The following SLC8A2 variants were observed in gnomAD, a reference collection of about 807,000 sequenced individuals.
SLC8A2 encodes the protein solute carrier family 8 member A2.
Under a neutral mutation model 70.2 loss-of-function variants are expected in SLC8A2, and 14 were observed. The observed-to-expected ratio is 0.20, with a 90% CI of 0.13 to 0.31. The LOEUF (loss-of-function observed/expected upper bound fraction) is 0.31, where lower values mean the gene tolerates loss of function less well. Ranked by LOEUF, SLC8A2 falls within the 10% of genes least tolerant of loss-of-function variation. The pLI, the probability that SLC8A2 is intolerant of heterozygous loss-of-function variation, is 1.00. For missense variants in SLC8A2, 779 were observed against 1,320.1 expected, an observed-to-expected ratio of 0.59 and a Z score of 6.35; for synonymous variants, 575 against 594.3, an observed-to-expected ratio of 0.97 and a Z score of 0.47.
intron 3 of SLC8A2, among the ~76,000 whole-genome samples, chr19:47,449,235 C>T (rs1967206712): frequency 1.3e-5 from 2 of 151,984 alleles, no homozygotes; most frequent in Non-Finnish European, 2.9e-5. Flanking sequence ...TCAAGAAAGC[C>T]TTTTGGAGGA....
In SLC8A2 at chr19:47,432,583, C is replaced by T; in HGVS notation, c.2111-138G>A. The T allele has an allele frequency of 1.3e-6, 1 of 790,324 alleles. No homozygotes were observed. The highest frequency in any genetic ancestry group is 2.7e-5 in the East Asian group (1 of 36,670). 49.0% of individuals were successfully genotyped at this position (790,324 alleles called of 1,614,324 possible). A position where few individuals can be genotyped will look rare whatever the true frequency, so the allele number is the denominator to read the frequency against. On this transcript the variant is annotated intron_variant, in intron 8 of 9. Coordinates refer to ENST00000236877, the MANE Select transcript of SLC8A2 (RefSeq NM_015063.3). The surrounding 1 kb of genome is among the most constrained non-coding windows in gnomAD (Gnocchi z 6.2). ...CAGAATCCCTTGCACCTACCTGTGG[C>T]CAAGTCAACTGCTAAAAACAGTTAC...
At chr19:47,443,456 C>G (rs776552940) in intron 4 of SLC8A2, among the ~76,000 whole-genome samples, 1 of 152,172 alleles carries the variant, frequency 6.6e-6, no homozygotes, top group Non-Finnish European at 1.5e-5. Flanking sequence ...CCCCAGAACC[C>G]AAAAACACAA....
Position 47,459,605 on chromosome 19 carries a change from TTG to T in SLC8A2, c.676-2013_676-2012del, listed in dbSNP as rs529734876. Among the ~76,000 whole-genome samples the T allele has an allele frequency of 1.6e-4, 25 of 151,712 alleles. No homozygotes were observed. In the East Asian group the frequency reaches 2.1e-3, roughly 13 times the overall value. On this transcript the variant is annotated intron_variant, in intron 2 of 9. Coordinates refer to ENST00000236877, the MANE Select transcript of SLC8A2 (RefSeq NM_015063.3). ...GTGTGTGTGTCCTGTGTGTGCGTGC[TTG>T]TGTGTGCATGTGTGTATGTGTATGT...
At position 47,432,430 on chromosome 19, in the gene SLC8A2, T is replaced by TC; in HGVS notation, c.2125dup (p.Glu709GlyfsTer15). The TC allele has an allele frequency of 6.3e-7, 1 of 1,598,138 alleles. No homozygotes were observed. Among genetic ancestry groups the TC allele is most frequent in the Non-Finnish European group, 8.5e-7 (1 of 1,171,758 alleles). On this transcript the variant is annotated frameshift_variant, in exon 9 of 10. Coordinates refer to ENST00000236877, the MANE Select transcript of SLC8A2 (RefSeq NM_015063.3). LOFTEE classifies it high-confidence loss of function. This position sits in a 1 kb window ranked among gnomAD's most constrained non-coding sequence, Gnocchi z 6.2. ...CCGCTCCTCCCGGGACCCGTCCTCC[T>TC]CCTCCTCCTCGTCCCCTGTGGGCAC... is the stretch of plus-strand genomic sequence containing the variant.
intron 2 of SLC8A2, among the ~76,000 whole-genome samples, chr19:47,464,487 G>A (rs1416788654): frequency 6.6e-6 from 1 of 152,110 alleles, no homozygotes; most frequent in Non-Finnish European, 1.5e-5. Flanking sequence ...ATATATCACT[G>A]CACACTTTTC....
chr19:47,469,119 C>CGTGTGTGT lies in SLC8A2; in HGVS notation c.-17+2662_-17+2669dup, dbSNP rs10670696. On this transcript the variant is annotated intron_variant, in intron 1 of 9. Transcript: ENST00000236877. ...AGCAAGCGAGGAGCATGCCTGTGTGCGTGTGTGTGTGTGTGTGTGTGTGTG... is the reference window on the plus strand; with the variant it reads ...AGCAAGCGAGGAGCATGCCTGTGTGCGTGTGTGTGTGTGTGTGTGTGTGTGTGTGTGTG... 1.4e-3 allele frequency among the ~76,000 whole-genome samples: 197 copies of CGTGTGTGT among 143,248 alleles called. 1 individual carries two copies. Among genetic ancestry groups the CGTGTGTGT allele is most frequent in the South Asian group, 3.9e-3 (17 of 4,396 alleles). 94.0% of individuals were successfully genotyped at this position (143,248 alleles called of 152,430 possible). A position where few individuals can be genotyped will look rare whatever the true frequency, so the allele number is the denominator to read the frequency against.
At chr19:47,439,187 A>C (rs1048633123) in intron 6 of SLC8A2, among the ~76,000 whole-genome samples, 1 of 152,214 alleles carries the variant, frequency 6.6e-6, no homozygotes, top group Non-Finnish European at 1.5e-5. Flanking sequence ...TGGAATGGCC[A>C]CATGGCAGAA....
intron 2 of SLC8A2, among the ~76,000 whole-genome samples, chr19:47,462,892 G>A (rs1599859360): frequency 6.6e-6 from 1 of 151,836 alleles, no homozygotes; most frequent in Non-Finnish European, 1.5e-5. Context: ...CCGGCCTTAT[G>A]TATATCTTAT....
In SLC8A2 at chr19:47,439,617, T is replaced by TCTTCCTTCCTTCCTTCCTTCCTTCCTTC. The variant is rs149487413; in HGVS notation, c.1885+1551_1885+1552insGAAGGAAGGAAGGAAGGAAGGAAGGAAG. On this transcript the variant is annotated intron_variant, in intron 6 of 9. Coordinates refer to ENST00000236877, the MANE Select transcript of SLC8A2 (RefSeq NM_015063.3). Reference sequence around the variant, plus strand: ...CTCTCTTCTCCCTCCTTCCTTCCTTTCTTCCTTCCTTCCTTCCTTCCTTCC... The same window carrying TCTTCCTTCCTTCCTTCCTTCCTTCCTTC: ...CTCTCTTCTCCCTCCTTCCTTCCTTTCTTCCTTCCTTCCTTCCTTCCTTCCTTCCTTCCTTCCTTCCTTCCTTCCTTCC... Among the ~76,000 whole-genome samples the TCTTCCTTCCTTCCTTCCTTCCTTCCTTC allele has an allele frequency of 7.3e-3, 1,069 of 145,900 alleles. 14 individuals are homozygous for TCTTCCTTCCTTCCTTCCTTCCTTCCTTC. Among genetic ancestry groups the TCTTCCTTCCTTCCTTCCTTCCTTCCTTC allele is most frequent in the African/African-American group, 0.02 (765 of 38,076 alleles).
chr19:47,450,683 G>T (rs1040938306), intron 3 of SLC8A2, among the ~76,000 whole-genome samples: 1 of 152,130 alleles, frequency 6.6e-6, no homozygotes, highest in African/African-American at 2.4e-5. Flanking sequence ...ACTGTCCGTG[G>T]TGATGGAGCA....
intron 8 of SLC8A2, among the ~76,000 whole-genome samples, chr19:47,433,833 G>A (rs1966993494): frequency 6.6e-6 from 1 of 152,116 alleles, no homozygotes; most frequent in African/African-American, 2.4e-5. Context: ...TACTAGAGAT[G>A]GGATTTCGCC....
chr19:47,441,926 ACT>A lies in SLC8A2; in HGVS notation c.1764-488_1764-487del, dbSNP rs577355641. On this transcript the variant is annotated intron_variant, in intron 4 of 9. Transcript: ENST00000236877. ...AGACCATCCTGTCCAACATGGTGAA[ACT>A]CTGTCTCTACTAAAAATACAAAAAT... Among the ~76,000 whole-genome samples the A allele has an allele frequency of 4.6e-4, 70 of 152,210 alleles. No individual in the cohort carries two copies. The South Asian group carries it at 5.4e-3, about 12-fold the overall frequency.
In SLC8A2 at chr19:47,447,106, T is replaced by A. The variant is rs1967172987; in HGVS notation, c.1763+703A>T. 1.3e-5 allele frequency among the ~76,000 whole-genome samples: 2 copies of A among 151,746 alleles called. No homozygotes were observed. The highest frequency in any genetic ancestry group is 6.6e-5 in the Admixed American group (1 of 15,232). On this transcript the variant is annotated intron_variant, in intron 4 of 9. Coordinates refer to ENST00000236877, the MANE Select transcript of SLC8A2 (RefSeq NM_015063.3). This position sits in a 1 kb window ranked among gnomAD's most constrained non-coding sequence, Gnocchi z 5.1. ...CGCTATTTCCCCAGGTTCTTCCTCA[T>A]ACCCAGAAGCCCCACCCCTTCCCTA...
Position 47,430,058 on chromosome 19 carries a change from G to T in SLC8A2, c.*31C>A, listed in dbSNP as rs374863685. 7.7e-6 allele frequency: 12 copies of T among 1,554,050 alleles called. No homozygotes were observed. The highest frequency in any genetic ancestry group is 1.0e-5 in the Non-Finnish European group (12 of 1,148,934). ...TGCAGCCGAGTCCCTAGCCCCGGGC[G>T]GGCGGTGGGGACGAGTCTCTGCGCG... On this transcript the variant is annotated 3_prime_UTR_variant, in exon 10 of 10. Transcript: ENST00000236877. The surrounding 1 kb of genome is among the most constrained non-coding windows in gnomAD (Gnocchi z 5.9).
chr19:47,462,254 T>TTTTC (rs747179975), intron 2 of SLC8A2, among the ~76,000 whole-genome samples: 81 of 152,244 alleles, frequency 5.3e-4, no homozygotes, highest in Middle Eastern at 6.8e-3. Context: ...TTCTTTTTCT[T>TTTTC]TTTCTTTCTT....
At chr19:47,458,740 T>C (rs1967349696) in intron 2 of SLC8A2, among the ~76,000 whole-genome samples, 1 of 151,666 alleles carries the variant, frequency 6.6e-6, no homozygotes, top group Admixed American at 6.6e-5. Flanking sequence ...TCCATCTCCC[T>C]CCCTTGTGAG....
At chr19:47,469,280 A>G in intron 1 of SLC8A2, among the ~76,000 whole-genome samples, 1 of 152,108 alleles carries the variant, frequency 6.6e-6, no homozygotes, top group South Asian at 2.1e-4. Context: ...GCATAATTAC[A>G]AACCCACCAG....
rs938312293 is a variant in SLC8A2, at chr19:47,447,640, G to A, written c.1763+169C>T. On this transcript the variant is annotated intron_variant, in intron 4 of 9. Coordinates refer to ENST00000236877, the MANE Select transcript of SLC8A2 (RefSeq NM_015063.3). The surrounding 1 kb of genome is among the most constrained non-coding windows in gnomAD (Gnocchi z 5.1). ...CCCACGTCGTGGGCATGGGTCACAG[G>A]CCCCGCCCACGTTGCGGGCACGGCC... is the stretch of plus-strand genomic sequence containing the variant. 2.4e-5 allele frequency: 14 copies of A among 593,440 alleles called. No individual in the cohort carries two copies. In the African/African-American group the frequency reaches 3.9e-4, roughly 17 times the overall value. The allele number at this position is 593,440 out of a possible 1,614,324, so 36.8% of individuals were successfully genotyped here. A position where few individuals can be genotyped will look rare whatever the true frequency, so the allele number is the denominator to read the frequency against.
rs1966943724 is a variant in SLC8A2, at chr19:47,430,523, GCAT to G, written c.2390-61_2390-59del. 3 of 1,478,460 alleles carry G rather than the reference GCAT, an allele frequency of 2.0e-6. No individual in the cohort carries two copies. The East Asian group carries it at 7.3e-5, about 36-fold the overall frequency. 91.6% of individuals were successfully genotyped at this position (1,478,460 alleles called of 1,614,324 possible). ...TTTGCGCCGCCACCCACAGGGGCGGGCATCCGCCTGCCCCCTCCCAGCCTTTCC... is the reference window on the plus strand; with the variant it reads ...TTTGCGCCGCCACCCACAGGGGCGGGCCGCCTGCCCCCTCCCAGCCTTTCC... On this transcript the variant is annotated intron_variant, in intron 9 of 9. Transcript: ENST00000236877. The surrounding 1 kb of genome is among the most constrained non-coding windows in gnomAD (Gnocchi z 5.9).
Sources: allele counts gnomAD v4.1 joint callset (sites outside exome capture counted in the v4.1 genomes callset), GRCh38; gene constraint gnomAD v4.1.1; non-coding constraint Gnocchi (gnomAD v3.1); transcripts MANE v1.5; gene names NCBI Gene and HGNC (gene_info 2026-07-23, HGNC 2026-07-21).